ME3: variants seen among roughly 807,000 people sequenced by gnomAD.
ME3 encodes NADP-dependent malic enzyme, mitochondrial.
In ME3, 48 loss-of-function variants were observed where a neutral mutation model predicts 68.9. The observed-to-expected ratio is 0.70, with a 90% CI of 0.55 to 0.89. ME3 has a LOEUF of 0.89. ME3 is among the 40% of genes least tolerant of loss of function. The pLI is 0.00. For synonymous variants in ME3, 320 were observed against 318.8 expected, an observed-to-expected ratio of 1.00 and a Z score of -0.04; for missense variants, 675 against 797.4, an observed-to-expected ratio of 0.85 and a Z score of 1.85.
intron 2 of ME3, among the ~76,000 whole-genome samples, chr11:86,635,195 G>A (rs1944258917): frequency 6.6e-6 from 1 of 152,226 alleles, no homozygotes; most frequent in South Asian, 2.1e-4. Flanking sequence ...GGAGGCTGAA[G>A]TGGGAGGATC....
At chr11:86,584,820 T>C (rs1958638876) in intron 2 of ME3, among the ~76,000 whole-genome samples, 1 of 152,188 alleles carries the variant, frequency 6.6e-6, no homozygotes, top group Non-Finnish European at 1.5e-5. Flanking sequence ...TTCTAATCAA[T>C]GGGTATACGA....
chr11:86,669,748 A>G (rs1946804723), intron 2 of ME3, among the ~76,000 whole-genome samples: 1 of 152,168 alleles, frequency 6.6e-6, no homozygotes, highest in African/African-American at 2.4e-5. Flanking sequence ...TACTTGGGAG[A>G]AAAAAATTTA....
Position 86,495,320 on chromosome 11 carries a change from A to AT in ME3, c.705+2642dup, listed in dbSNP as rs557888282. On this transcript the variant is annotated intron_variant, in intron 6 of 14. Coordinates refer to ENST00000543262, the Ensembl canonical transcript of ME3. ...CCACAATTACTGCTACTTTCCAGTC[A>AT]TTTTTTCTGGTGGATTTGTTACAAG... Among the ~76,000 whole-genome samples, 154 of 152,264 alleles carry AT rather than the reference A, an allele frequency of 1.0e-3. 1 individual carries two copies. Among genetic ancestry groups the AT allele is most frequent in the African/African-American group, 3.3e-3 (139 of 41,552 alleles).
intron 2 of ME3, among the ~76,000 whole-genome samples, chr11:86,632,628 A>G (rs970034401): frequency 6.6e-6 from 1 of 152,112 alleles, no homozygotes; most frequent in Admixed American, 6.5e-5. Context: ...TACTGCATAC[A>G]CTGATTCTCT....
chr11:86,469,826 G>A (rs561656020), intron 7 of ME3, among the ~76,000 whole-genome samples: 1 of 152,124 alleles, frequency 6.6e-6, no homozygotes, highest in African/African-American at 2.4e-5. Context: ...GAGACACAAG[G>A]CTAATGAGTG....
chr11:86,559,066 C>G (rs995765439), intron 3 of ME3, among the ~76,000 whole-genome samples: 8 of 152,198 alleles, frequency 5.3e-5, no homozygotes, highest in African/African-American at 1.7e-4. Flanking sequence ...GCCATTCAAC[C>G]TGGGAAGTGA....
chr11:86,471,398 T>TG (rs925769126), intron 7 of ME3, among the ~76,000 whole-genome samples: 10 of 152,058 alleles, frequency 6.6e-5, no homozygotes, highest in Admixed American at 4.6e-4. Context: ...CCTCCCAAAG[T>TG]GCTGGGATTA....
At chr11:86,527,643 C>CT (rs1954864343) in intron 4 of ME3, among the ~76,000 whole-genome samples, 2 of 152,188 alleles carry the variant, frequency 1.3e-5, no homozygotes, top group Admixed American at 1.3e-4. Flanking sequence ...GCCCATCAGA[C>CT]TAACAGCTGA....
At chr11:86,524,934 G>A (rs569587941) in intron 4 of ME3, among the ~76,000 whole-genome samples, 2 of 152,138 alleles carry the variant, frequency 1.3e-5, no homozygotes, top group African/African-American at 4.8e-5. Context: ...CAAATCCCTC[G>A]AAAGGAAGGA....
At chr11:86,457,822 C>T in intron 8 of ME3, 1 of 1,250,174 alleles carries the variant, frequency 8.0e-7, no homozygotes, top group Non-Finnish European at 1.0e-6. Flanking sequence ...AATTACATTT[C>T]CTGCAAACTG....
rs57291273 is a variant in ME3 at position 86,648,515 on chromosome 11, C to CAA, written c.183+23245_183+23246dup. Reference sequence around the variant, plus strand: ...GGAGATAGAGACACAAAAAACCTTTCAAAAAAAAAAAAATCAATGAATCCA... The same window carrying CAA: ...GGAGATAGAGACACAAAAAACCTTTCAAAAAAAAAAAAAAATCAATGAATCCA... On this transcript the variant is annotated intron_variant, in intron 2 of 14. Transcript: ENST00000543262. Among the ~76,000 whole-genome samples, 780 of 147,178 alleles carry CAA rather than the reference C, an allele frequency of 5.3e-3. 1 individual carries two copies. The highest frequency in any genetic ancestry group is 0.011 in the Middle Eastern group (3 of 282).
intron 4 of ME3, among the ~76,000 whole-genome samples, chr11:86,513,004 A>G (rs1953649152): frequency 6.6e-6 from 1 of 152,210 alleles, no homozygotes; most frequent in Non-Finnish European, 1.5e-5. Context: ...CTCTCTTACC[A>G]GGAAGAGGAA....
intron 2 of ME3, among the ~76,000 whole-genome samples, chr11:86,606,477 G>A (rs7940772): frequency 0.12 from 18,440 of 152,154 alleles, 1,573 homozygotes; most frequent in East Asian, 0.4. Context: ...GAATCAATTA[G>A]TGGTCTGCCT....
At position 86,651,425 on chromosome 11, in the gene ME3, T is replaced by A. The variant is rs190204313; in HGVS notation, c.183+20337A>T. 3.5e-3 allele frequency among the ~76,000 whole-genome samples: 539 copies of A among 152,300 alleles called. 2 individuals are homozygous for A. The highest frequency in any genetic ancestry group is 0.012 in the African/African-American group (512 of 41,568). On this transcript the variant is annotated intron_variant, in intron 2 of 14. Coordinates refer to ENST00000543262, the Ensembl canonical transcript of ME3. ...CAGAGGAACGATCAGGCAGCAACAT[T>A]TGCTGTTCATCAATATCCGCTGTTC...
intron 8 of ME3, chr11:86,462,604 A>C: frequency 3.9e-6 from 5 of 1,288,060 alleles, no homozygotes; most frequent in Non-Finnish European, 5.1e-6. Context: ...GTCAGTTTGT[A>C]TGTGTAGACA....
At chr11:86,553,313 C>CACCATTA (rs1276077856) in intron 4 of ME3, among the ~76,000 whole-genome samples, 1 of 152,202 alleles carries the variant, frequency 6.6e-6, no homozygotes, top group Non-Finnish European at 1.5e-5. Flanking sequence ...GGGGGCCAGA[C>CACCATTA]ACCATTACAG....
intron 4 of ME3, among the ~76,000 whole-genome samples, chr11:86,531,996 A>G (rs557181784): frequency 7.9e-5 from 12 of 151,972 alleles, no homozygotes; most frequent in African/African-American, 2.7e-4. Context: ...CCAAACCAAA[A>G]AAAAACCAGA....
chr11:86,561,914 C>T (rs568191205), intron 2 of ME3, among the ~76,000 whole-genome samples: 1 of 152,270 alleles, frequency 6.6e-6, no homozygotes, highest in East Asian at 1.9e-4. Flanking sequence ...ATCCCCCAAC[C>T]TATTAAATAA....
At chr11:86,476,297 C>T (rs1479398010) in intron 7 of ME3, among the ~76,000 whole-genome samples, 2 of 152,130 alleles carry the variant, frequency 1.3e-5, no homozygotes, top group African/African-American at 2.4e-5. Context: ...ATAGCGAGCA[C>T]GAAGGCTCTG....
Sources: gnomAD v4.1 joint callset for allele counts (sites outside exome capture counted in the v4.1 genomes callset) on GRCh38, gnomAD v4.1.1 for gene constraint, MANE v1.5 for transcripts, NCBI Gene and HGNC (gene_info 2026-07-23, HGNC 2026-07-21) for gene names.